The following PCLO variants were observed in gnomAD, a reference collection of about 807,000 sequenced individuals.
PCLO encodes protein piccolo.
PCLO carries 82 observed loss-of-function variants against 427.5 expected under a neutral mutation model. That is an observed-to-expected ratio of 0.19 (90% confidence interval 0.16 to 0.23). PCLO has a LOEUF of 0.23. PCLO is among the 10% of genes least tolerant of loss of function. The pLI is 1.00. For missense variants in PCLO, 6,239 were observed against 6,115.9 expected (o/e 1.02, Z -0.67); for synonymous variants, 2,357 against 2,155.4 (o/e 1.09, Z -2.59).
In PCLO at chr7:82,999,481, ATAAAATATAATATATATAATATTATAT is replaced by A. The variant is rs201839347; in HGVS notation, c.3301-33021_3301-32995del. On this transcript the variant is annotated intron_variant, in intron 3 of 24. Transcript: ENST00000333891. ...AAATATATAATATATATCCATTATT[ATAAAATATAATATATATAATATTATAT>A]TAAAATATAAAATATAATATTATAT... Among the ~76,000 whole-genome samples the A allele has an allele frequency of 3.4e-3, 203 of 59,724 alleles. 40 individuals carry two copies. The highest frequency in any genetic ancestry group is 6.7e-3 in the East Asian group (6 of 890). The allele number at this position is 59,724 out of a possible 152,430, so 39.2% of individuals were successfully genotyped here.
chr7:82,909,970 G>A (rs906033375), intron 7 of PCLO, among the ~76,000 whole-genome samples: 5 of 151,772 alleles, frequency 3.3e-5, no homozygotes, highest in Non-Finnish European at 7.4e-5. Context: ...GTATCTCATA[G>A]GTCTTTTCAA....
chr7:82,811,675 A>C (rs1791575421), intron 20 of PCLO, among the ~76,000 whole-genome samples: 1 of 151,498 alleles, frequency 6.6e-6, no homozygotes, highest in Admixed American at 6.6e-5. Flanking sequence ...AATCTACTTC[A>C]GTATAATTAT....
intron 3 of PCLO, among the ~76,000 whole-genome samples, chr7:83,117,490 T>C (rs562006568): frequency 6.6e-6 from 1 of 152,346 alleles, no homozygotes; most frequent in South Asian, 2.1e-4. Context: ...CTTTTTATCC[T>C]GGCCATTTCT....
At chr7:82,777,843 C>T (rs184847817) in intron 22 of PCLO, among the ~76,000 whole-genome samples, 1 of 152,158 alleles carries the variant, frequency 6.6e-6, no homozygotes, top group Admixed American at 6.5e-5. Flanking sequence ...CTAGGTCCCT[C>T]TGGACATAGG....
intron 15 of PCLO, among the ~76,000 whole-genome samples, chr7:82,836,133 G>A (rs1177544466): frequency 6.6e-6 from 1 of 151,930 alleles, no homozygotes; most frequent in Non-Finnish European, 1.5e-5. Context: ...TGTCCTTCCT[G>A]GTTCTTTAAG....
intron 9 of PCLO, among the ~76,000 whole-genome samples, chr7:82,889,075 A>T (rs2371367): frequency 1.3e-5 from 2 of 151,470 alleles, no homozygotes; most frequent in Admixed American, 6.6e-5. Flanking sequence ...GCGGAGCCAA[A>T]CAAGTCTTCC....
chr7:82,764,251 T>C (rs979067771), intron 22 of PCLO, among the ~76,000 whole-genome samples: 2 of 151,858 alleles, frequency 1.3e-5, no homozygotes, highest in Non-Finnish European at 2.9e-5. Context: ...AGGCAGTCAA[T>C]GGTCATGTAA....
At chr7:82,863,552 T>A (rs1213860435) in intron 10 of PCLO, among the ~76,000 whole-genome samples, 1 of 151,964 alleles carries the variant, frequency 6.6e-6, no homozygotes, top group Non-Finnish European at 1.5e-5. Flanking sequence ...TAAATAGAAT[T>A]CAATTTCAAA....
chr7:82,915,321 G>A lies in PCLO; in HGVS notation c.12665C>T (p.Ser4222Phe), dbSNP rs1794421394. ...AATGCCACCAATAGATGAAGTGCTA[G>A]AAGTCATATAGCTTGAATAATCAGG... ...LEPDYSSYMT[S>F]STSSIGGISS... The change falls in exon 7 of 25, where the codon TCT (serine) becomes TTT (phenylalanine). Residue 4222 changes from serine (S) to phenylalanine (F), a missense_variant. Physicochemically the swap from Ser to Phe is radical, Grantham distance 155. This residue lies in a region of PCLO where 680 missense variants were observed against 677.3 expected (regional missense o/e 1.00). Coordinates refer to ENST00000333891, the MANE Select transcript of PCLO (RefSeq NM_033026.6). The A allele has an allele frequency of 1.2e-6, 2 of 1,613,606 alleles. No homozygotes were observed. Among genetic ancestry groups the A allele is most frequent in the African/African-American group, 2.7e-5 (2 of 75,052 alleles).
intron 3 of PCLO, among the ~76,000 whole-genome samples, chr7:83,093,492 A>ATTTTTTTTTTTTTT (rs1169852004): frequency 5.1e-5 from 3 of 59,322 alleles, no homozygotes; most frequent in Non-Finnish European, 6.5e-5. Context: ...ATATATATAT[A>ATTTTTTTTTTTTTT]TTTTTTTTTT....
At chr7:83,131,423 C>T (rs1313729866) in intron 3 of PCLO, among the ~76,000 whole-genome samples, 1 of 151,960 alleles carries the variant, frequency 6.6e-6, no homozygotes, top group Non-Finnish European at 1.5e-5. Context: ...AGAGGGAAAC[C>T]ATCTACAGCT....
chr7:83,107,125 T>C (rs1327596538), intron 3 of PCLO, among the ~76,000 whole-genome samples: 1 of 152,156 alleles, frequency 6.6e-6, no homozygotes, highest in Non-Finnish European at 1.5e-5. Flanking sequence ...GTAAATTGCA[T>C]GTCACAGGGT....
At chr7:83,045,942 A>G (rs767498664) in intron 3 of PCLO, among the ~76,000 whole-genome samples, 2 of 151,980 alleles carry the variant, frequency 1.3e-5, no homozygotes, top group Admixed American at 1.3e-4. Context: ...ACTGAAATTT[A>G]TTTTCTCATA....
intron 3 of PCLO, among the ~76,000 whole-genome samples, chr7:82,980,270 T>C (rs1360943781): frequency 6.6e-6 from 1 of 152,016 alleles, no homozygotes; most frequent in Non-Finnish European, 1.5e-5. Flanking sequence ...GACAGAAACA[T>C]GTGGAATGCT....
intron 3 of PCLO, among the ~76,000 whole-genome samples, chr7:83,085,864 T>C (rs1250171888): frequency 6.6e-6 from 1 of 152,184 alleles, no homozygotes; most frequent in African/African-American, 2.4e-5. Context: ...TATTATAGTA[T>C]TAAAATACCA....
chr7:82,956,851 C>A lies in PCLO; in HGVS notation c.4102G>T (p.Asp1368Tyr). 6.2e-7 allele frequency: 1 copy of A among 1,613,842 alleles called. No homozygotes were observed. Among genetic ancestry groups the A allele is most frequent in the Non-Finnish European group, 8.5e-7 (1 of 1,179,816 alleles). Residue 1368 changes from aspartate (D) to tyrosine (Y), a missense_variant, in exon 5 of 25, where the codon GAT (aspartate) becomes TAT (tyrosine). Asp to Tyr is a radical substitution (Grantham distance 160). Transcript: ENST00000333891. The stretch of plus-strand genomic sequence containing the variant: ...TCACCAAGTGAGCTTGATATTCCAT[C>A]GGAAGAATATCCCGTGTCGCTCAGA... ...QGLSDTGYSS[D>Y]GISSSLGEIP...
chr7:82,926,663 G>A (rs919973378), intron 6 of PCLO, among the ~76,000 whole-genome samples: 1 of 152,146 alleles, frequency 6.6e-6, no homozygotes, highest in Non-Finnish European at 1.5e-5. Flanking sequence ...ATTGCTCTTG[G>A]GCTGAGCAGT....
intron 10 of PCLO, among the ~76,000 whole-genome samples, chr7:82,849,333 C>A (rs999188958): frequency 2.6e-5 from 4 of 152,064 alleles, no homozygotes; most frequent in African/African-American, 9.7e-5. Flanking sequence ...ACACCTGACA[C>A]CATAAACTAC....
intron 3 of PCLO, among the ~76,000 whole-genome samples, chr7:83,012,320 T>C (rs760650772): frequency 2.0e-5 from 3 of 151,976 alleles, no homozygotes; most frequent in South Asian, 2.1e-4. Flanking sequence ...CTGATAATTG[T>C]TTTTAAGGAA....
Sources: gnomAD v4.1 joint callset for allele counts (sites outside exome capture counted in the v4.1 genomes callset) on GRCh38, gnomAD v4.1.1 for gene constraint, gnomAD v4.1.1 regional missense constraint, MANE v1.5 for transcripts, NCBI Gene and HGNC (gene_info 2026-07-23, HGNC 2026-07-21) for gene names.